The following SLC18A2 variants were observed in gnomAD, a reference collection of about 807,000 sequenced individuals.
The protein encoded by SLC18A2 is solute carrier family 18 member A2.
In SLC18A2, 33 loss-of-function variants were observed where a neutral mutation model predicts 59.2. The observed-to-expected ratio is 0.56, with a 90% CI of 0.42 to 0.75. The LOEUF (loss-of-function observed/expected upper bound fraction) is 0.75, where lower values mean the gene tolerates loss of function less well. SLC18A2 is among the 30% of genes least tolerant of loss of function. The pLI is 0.00. For missense variants in SLC18A2, 569 were observed against 668.6 expected (o/e 0.85, Z 1.64); for synonymous variants, 228 against 253.5 (o/e 0.90, Z 0.95).
At chr10:117,248,722 C>T (rs1392707150) in intron 3 of SLC18A2, among the ~76,000 whole-genome samples, 3 of 152,222 alleles carry the variant, frequency 2.0e-5, no homozygotes, top group African/African-American at 7.2e-5. Flanking sequence ...TTACATTTCT[C>T]TCTTCCCTCA....
intron 6 of SLC18A2, 38 bp from the exon 7 acceptor site, chr10:117,255,239 T>A: frequency 1.3e-6 from 2 of 1,555,352 alleles, no homozygotes; most frequent in South Asian, 2.2e-5. Flanking sequence ...AGAGGGCATG[T>A]GTCCCAGGGG....
chr10:117,259,345 T>C (rs1386293276), intron 10 of SLC18A2, among the ~76,000 whole-genome samples: 1 of 152,248 alleles, frequency 6.6e-6, no homozygotes, highest in Non-Finnish European at 1.5e-5. Context: ...TTGGCAAACC[T>C]GATCTTTCTG....
chr10:117,255,558 G>C lies in SLC18A2; in HGVS notation c.834+36G>C, dbSNP rs769647948. The stretch of plus-strand genomic sequence containing the variant: ...GGGAATGAGGGCCCTGGGGGAGGGG[G>C]CATGGTGCTGCTTCTGACCCGTGTT... On this transcript the variant is annotated intron_variant, in intron 8 of 15. Transcript: ENST00000644641. The C allele has an allele frequency of 3.7e-5, 60 of 1,613,996 alleles. No homozygotes were observed. The Admixed American group carries it at 1.0e-3, about 27-fold the overall frequency.
intron 1 of SLC18A2, 111 bp from the exon 2 acceptor site, chr10:117,241,568 C>A: frequency 8.3e-7 from 1 of 1,208,548 alleles, no homozygotes; most frequent in Non-Finnish European, 1.1e-6. Flanking sequence ...CCGGGGGTGT[C>A]CCCGGATGCC....
chr10:117,256,188 G>T (rs1844228148), intron 9 of SLC18A2, among the ~76,000 whole-genome samples: 1 of 152,246 alleles, frequency 6.6e-6, no homozygotes, highest in Non-Finnish European at 1.5e-5. Context: ...TAAAGGACAT[G>T]CTTTGGCCTA....
At chr10:117,276,613 C>CAAAAAAAAA (rs1161850365) in intron 15 of SLC18A2, among the ~76,000 whole-genome samples, 3 of 46,720 alleles carry the variant, frequency 6.4e-5, no homozygotes, top group African/African-American at 2.8e-4. Flanking sequence ...GACTTCATCT[C>CAAAAAAAAA]AAAAAAAAAA....
At chr10:117,259,630 G>A (rs955232620) in intron 10 of SLC18A2, among the ~76,000 whole-genome samples, 2 of 152,184 alleles carry the variant, frequency 1.3e-5, no homozygotes, top group African/African-American at 2.4e-5. Context: ...ATAATTCTTG[G>A]TTGGAAATCA....
At position 117,269,706 on chromosome 10, in the gene SLC18A2, A is replaced by T. The variant is rs1401388918; in HGVS notation, c.1187-365A>T. On this transcript the variant is annotated intron_variant, in intron 13 of 15. Transcript: ENST00000644641. This position sits in a 1 kb window ranked among gnomAD's most constrained non-coding sequence, Gnocchi z 5.1. ...CACATGTGTCAGTGGCAGGCACATG[A>T]GGAAAGTTTCTTTCATTGAAATGGT... Among the ~76,000 whole-genome samples, 1 of 152,180 alleles carries T rather than the reference A, an allele frequency of 6.6e-6. No homozygotes were observed. The highest frequency in any genetic ancestry group is 1.9e-4 in the East Asian group (1 of 5,198).
intron 7 of SLC18A2, 55 bp downstream of exon 7, chr10:117,255,421 G>A: frequency 6.2e-7 from 1 of 1,614,122 alleles, no homozygotes; most frequent in Non-Finnish European, 8.5e-7. Flanking sequence ...GCTGGCACGC[G>A]CTTGGGCCAC....
chr10:117,257,682 T>C, intron 9 of SLC18A2, 115 bp from the exon 10 acceptor site: 1 of 539,970 alleles, frequency 1.9e-6, no homozygotes, highest in Non-Finnish European at 3.3e-6. Context: ...ATTTATCCTT[T>C]ACTTAATGAA....
chr10:117,251,975 T>C (rs1056931151), intron 3 of SLC18A2, among the ~76,000 whole-genome samples: 7 of 151,976 alleles, frequency 4.6e-5, no homozygotes, highest in East Asian at 3.9e-4. Flanking sequence ...TTATTTACTT[T>C]TGAGACAGAA....
chr10:117,256,611 T>C (rs1844234250), intron 9 of SLC18A2, among the ~76,000 whole-genome samples: 2 of 152,186 alleles, frequency 1.3e-5, no homozygotes, highest in South Asian at 4.1e-4. Flanking sequence ...CTGCTGGATT[T>C]GATTAGGGCA....
chr10:117,260,020 T>C (rs369507725), intron 10 of SLC18A2, among the ~76,000 whole-genome samples: 10 of 152,240 alleles, frequency 6.6e-5, no homozygotes, highest in Non-Finnish European at 1.2e-4. Context: ...TTCCTGTTCA[T>C]CTTTTAAACT....
intron 9 of SLC18A2, among the ~76,000 whole-genome samples, chr10:117,257,529 T>A (rs1220626091): frequency 6.6e-6 from 1 of 152,036 alleles, no homozygotes; most frequent in African/African-American, 2.4e-5. Context: ...AAACCATAAT[T>A]GGGTAGGTTA....
chr10:117,250,726 T>A (rs1677880716), intron 3 of SLC18A2, among the ~76,000 whole-genome samples: 1 of 152,176 alleles, frequency 6.6e-6, no homozygotes, highest in Admixed American at 6.5e-5. Context: ...TCAGTGTTGA[T>A]CCTCTGAAAA....
chr10:117,259,940 G>A (rs1352680402), intron 10 of SLC18A2, among the ~76,000 whole-genome samples: 2 of 152,136 alleles, frequency 1.3e-5, no homozygotes, highest in Non-Finnish European at 2.9e-5. Flanking sequence ...TTTTACTCCA[G>A]TTGGCTGAGC....
At chr10:117,250,157 G>A (rs538053707) in intron 3 of SLC18A2, among the ~76,000 whole-genome samples, 23 of 152,182 alleles carry the variant, frequency 1.5e-4, no homozygotes, top group Non-Finnish European at 3.2e-4. Flanking sequence ...GGAGACCCAG[G>A]AGCTTCCCAG....
rs772333731 is a variant in SLC18A2, at chr10:117,257,717, TGTAGGC to T, written c.896-78_896-73del. 1.0e-4 allele frequency: 81 copies of T among 799,194 alleles called. 2 individuals carry two copies. The highest frequency in any genetic ancestry group is 3.5e-5 in the African/African-American group (2 of 57,658). The allele number at this position is 799,194 out of a possible 1,614,324, so 49.5% of individuals were successfully genotyped here. A position where few individuals can be genotyped will look rare whatever the true frequency, so the allele number is the denominator to read the frequency against. On this transcript the variant is annotated intron_variant, in intron 9 of 15. Transcript: ENST00000644641. ...AAGTAGAAGTTGCGGTTATCTGAGC[TGTAGGC>T]GCATGGAGTCTAACTGTGCCTGGAA...
chr10:117,275,417 C>T, intron 15 of SLC18A2, among the ~76,000 whole-genome samples: 1 of 152,164 alleles, frequency 6.6e-6, no homozygotes, highest in Non-Finnish European at 1.5e-5. Context: ...AATAGGCCAA[C>T]ATCAGATACA....
Sources: allele counts gnomAD v4.1 joint callset (sites outside exome capture counted in the v4.1 genomes callset), GRCh38; gene constraint gnomAD v4.1.1; non-coding constraint Gnocchi (gnomAD v3.1); transcripts MANE v1.5; gene names NCBI Gene and HGNC (gene_info 2026-07-23, HGNC 2026-07-21).